The following PTCH1 variants were observed in gnomAD, a reference collection of about 807,000 sequenced individuals.
PTCH1 encodes the protein patched 1.
In PTCH1, 14 loss-of-function variants were observed where a neutral mutation model predicts 144.6. That is an observed-to-expected ratio of 0.10 (90% confidence interval 0.06 to 0.15). The LOEUF (loss-of-function observed/expected upper bound fraction) is 0.15, where lower values mean the gene tolerates loss of function less well. PTCH1 is among the 10% of genes least tolerant of loss of function. PTCH1 has a pLI of 1.00. For missense variants in PTCH1, 1,623 were observed against 1,948.3 expected, an observed-to-expected ratio of 0.83 and a Z score of 3.14; for synonymous variants, 833 against 793.6, an observed-to-expected ratio of 1.05 and a Z score of -0.83.
At position 95,479,228 on chromosome 9, in the gene PTCH1, C is replaced by T; in HGVS notation, c.1068-81G>A. On this transcript the variant is annotated intron_variant, in intron 7 of 23. Coordinates refer to ENST00000331920, the MANE Select transcript of PTCH1 (RefSeq NM_000264.5). ...ACTGCCTCAAATCCCCAGCCAGCTC[C>T]CCCAACTCACTGGCTGCAATTCTTT... The T allele has an allele frequency of 1.9e-6, 3 of 1,555,050 alleles. 1 individual carries two copies. In the South Asian group the frequency reaches 3.4e-5, roughly 17 times the overall value.
At chr9:95,500,654 G>A (rs371722535) in intron 2 of PTCH1, among the ~76,000 whole-genome samples, 16 of 152,282 alleles carry the variant, frequency 1.1e-4, no homozygotes, top group East Asian at 9.7e-4. Context: ...CCTTGGTTCT[G>A]CTCCACAAGG....
chr9:95,480,067 C>T lies in PTCH1; in HGVS notation c.969G>A (p.Leu323=), dbSNP rs771618979. 10 of 1,613,792 alleles carry T rather than the reference C, an allele frequency of 6.2e-6. No homozygotes were observed. Among genetic ancestry groups the T allele is most frequent in the Non-Finnish European group, 7.6e-6 (9 of 1,180,032 alleles). Residue 323 remains leucine, a synonymous_variant, in exon 7 of 24, where the codon TTG becomes TTA. Transcript: ENST00000331920. The part of the protein sequence containing the change: ...STKPLDMALV[L]NGGCHGLSRK... The stretch of plus-strand genomic sequence containing the variant: ...TGGATAAGCCATGACATCCACCATT[C>T]AAAACAAGGGCCATATCAAGAGGCT...
In PTCH1 at chr9:95,446,808, C is replaced by T. The variant is rs149694348; in HGVS notation, c.*1+103G>A. 3.8e-4 allele frequency: 568 copies of T among 1,485,092 alleles called. 1 individual carries two copies. In the East Asian group the frequency reaches 9.3e-3, roughly 24 times the overall value. 92.0% of individuals were successfully genotyped at this position (1,485,092 alleles called of 1,614,324 possible). A position where few individuals can be genotyped will look rare whatever the true frequency, so the allele number is the denominator to read the frequency against. On this transcript the variant is annotated intron_variant, in intron 23 of 23. Transcript: ENST00000331920. Reference sequence around the variant, plus strand: ...ACTGGGGTCCAGCGTGGGATGTGCCCGAGCGCCACAGCCCCTCGGGGATGC... The same window carrying T: ...ACTGGGGTCCAGCGTGGGATGTGCCTGAGCGCCACAGCCCCTCGGGGATGC...
At chr9:95,512,636 G>T (rs944266435), upstream of PTCH1, among the ~76,000 whole-genome samples, 4 of 152,132 alleles carry the variant, frequency 2.6e-5, 1 homozygote, top group East Asian at 3.9e-4. Flanking sequence ...AAGCATTGTC[G>T]GCTTTAATAT....
Position 95,485,750 on chromosome 9 carries a change from T to C in PTCH1, c.519A>G (p.Glu173=), listed in dbSNP as rs1293080768. Residue 173 remains glutamate (E), a synonymous_variant, in exon 3 of 24, where the codon GAA becomes GAG. Coordinates refer to ENST00000331920, the MANE Select transcript of PTCH1 (RefSeq NM_000264.5). ...KEEGANVLTT[E]ALLQHLDSAL... ...CCGAGTCCAGGTGTTGTAGGAGCGCTTCTGTGGTCAGGACATTAGCACCTT... is the reference window on the plus strand; with the variant it reads ...CCGAGTCCAGGTGTTGTAGGAGCGCCTCTGTGGTCAGGACATTAGCACCTT... The C allele has an allele frequency of 6.2e-7, 1 of 1,614,202 alleles. No homozygotes were observed. The highest frequency in any genetic ancestry group is 1.7e-5 in the Admixed American group (1 of 60,026).
chr9:95,495,800 A>T (rs1375387798), intron 2 of PTCH1, among the ~76,000 whole-genome samples: 1 of 151,992 alleles, frequency 6.6e-6, no homozygotes, highest in Non-Finnish European at 1.5e-5. Flanking sequence ...AGAACTTTTA[A>T]CTCCTTTTAA....
chr9:95,510,758 GGAAA>G (rs945561140), upstream of PTCH1, among the ~76,000 whole-genome samples: 4 of 151,478 alleles, frequency 2.6e-5, no homozygotes, highest in East Asian at 1.9e-4. Context: ...AGAAAGGAAA[GGAAA>G]GAAAGAAACC....
chr9:95,512,889 C>G (rs1250756317), upstream of PTCH1, among the ~76,000 whole-genome samples: 1 of 152,222 alleles, frequency 6.6e-6, no homozygotes, highest in Non-Finnish European at 1.5e-5. Context: ...TATGAAGCAA[C>G]AGCTGAGTGT....
chr9:95,513,040 C>T (rs1012013778), upstream of PTCH1, among the ~76,000 whole-genome samples: 3 of 152,204 alleles, frequency 2.0e-5, no homozygotes, highest in Admixed American at 6.5e-5. Context: ...CTCACATCTC[C>T]TCCCTTCTCT....
intron 2 of PTCH1, among the ~76,000 whole-genome samples, chr9:95,494,674 T>TCA (rs1182740843): frequency 2.0e-5 from 3 of 152,032 alleles, no homozygotes; most frequent in African/African-American, 4.8e-5. Flanking sequence ...GCGCGCTGGC[T>TCA]CAGAGGCCAC....
intron 2 of PTCH1, chr9:95,494,424 A>C (rs2118704602): frequency 1.0e-6 from 1 of 985,518 alleles, no homozygotes; most frequent in African/African-American, 1.7e-5. Flanking sequence ...CCACACTGGC[A>C]AATGAGGGCT....
In PTCH1 at chr9:95,461,915, G is replaced by C. The variant is rs1170482608; in HGVS notation, c.2644C>G (p.Leu882Val). The C allele has an allele frequency of 1.2e-6, 2 of 1,614,244 alleles. No individual in the cohort carries two copies. Among genetic ancestry groups the C allele is most frequent in the Non-Finnish European group, 1.7e-6 (2 of 1,180,042 alleles). Residue 882 changes from leucine (L) to valine (V), a missense_variant, in exon 16 of 24, where the codon CTT becomes GTT. By Grantham distance (32) the Leu-to-Val change is conservative. Coordinates refer to ENST00000331920, the MANE Select transcript of PTCH1 (RefSeq NM_000264.5). ...NYKNGSDDGV[L>V]AYKLLVQTGS... The stretch of plus-strand genomic sequence containing the variant: ...GTTTGCACCAGGAGTTTGTAGGCAA[G>C]GACTCCATCGTCTGATCCATTCTTG...
chr9:95,474,963 T>C (rs1331248507), intron 12 of PTCH1, among the ~76,000 whole-genome samples: 3 of 152,086 alleles, frequency 2.0e-5, no homozygotes, highest in African/African-American at 7.2e-5. Context: ...TTAGACATCA[T>C]ATCATCACAG....
chr9:95,477,772 C>T, intron 9 of PTCH1, 70 bp from the exon 10 acceptor site: 1 of 1,580,778 alleles, frequency 6.3e-7, no homozygotes, highest in Admixed American at 1.8e-5. Context: ...CTAATGTTTC[C>T]CTCCACCCAT....
Position 95,481,935 on chromosome 9 carries a change from G to T in PTCH1, c.746+14C>A. The T allele has an allele frequency of 6.3e-7, 1 of 1,590,550 alleles. No individual in the cohort carries two copies. The highest frequency in any genetic ancestry group is 8.6e-7 in the Non-Finnish European group (1 of 1,158,634). On this transcript the variant is annotated intron_variant, in intron 5 of 23. Coordinates refer to ENST00000331920, the MANE Select transcript of PTCH1 (RefSeq NM_000264.5). The stretch of plus-strand genomic sequence containing the variant: ...AGAAGTCACAGACATCAGAAAGCAT[G>T]ATCACACACTTACAGGAGGTATGCT...
chr9:95,463,846 G>A (rs1199198408), intron 15 of PTCH1, among the ~76,000 whole-genome samples: 1 of 152,216 alleles, frequency 6.6e-6, no homozygotes, highest in Non-Finnish European at 1.5e-5. Flanking sequence ...ACCAGAGGCA[G>A]CTGGAGCCAC....
At chr9:95,473,669 C>T (rs1309921766) in intron 12 of PTCH1, among the ~76,000 whole-genome samples, 4 of 151,936 alleles carry the variant, frequency 2.6e-5, no homozygotes, top group Admixed American at 6.5e-5. Flanking sequence ...CTCAGCCTCC[C>T]GAGTAGCTGG....
At chr9:95,481,038 G>A (rs1032375556) in intron 5 of PTCH1, among the ~76,000 whole-genome samples, 17 of 151,974 alleles carry the variant, frequency 1.1e-4, no homozygotes, top group Admixed American at 7.9e-4. Flanking sequence ...ACTTATGAGC[G>A]CTCTCTGACA....
chr9:95,453,875 A>G (rs964659528), intron 19 of PTCH1, among the ~76,000 whole-genome samples: 14 of 152,200 alleles, frequency 9.2e-5, no homozygotes, highest in Admixed American at 2.0e-4. Flanking sequence ...AATGGACAGA[A>G]ATGTCCCCTT....
Sources: allele counts gnomAD v4.1 joint callset (sites outside exome capture counted in the v4.1 genomes callset), GRCh38; gene constraint gnomAD v4.1.1; transcripts MANE v1.5; gene names NCBI Gene and HGNC (gene_info 2026-07-23, HGNC 2026-07-21).